The following HDAC3 variants were observed in gnomAD, a reference collection of about 807,000 sequenced individuals.
The protein encoded by HDAC3 is histone deacetylase 3.
HDAC3 carries 21 observed loss-of-function variants against 62.3 expected under a neutral mutation model. That is an observed-to-expected ratio of 0.34 (90% CI 0.24 to 0.49). The LOEUF is 0.49. HDAC3 is among the 20% of genes least tolerant of loss of function. HDAC3 has a pLI of 0.99. For synonymous variants in HDAC3, 198 were observed against 206.5 expected, an observed-to-expected ratio of 0.96 and a Z score of 0.35; for missense variants, 270 against 556.9, an observed-to-expected ratio of 0.48 and a Z score of 5.19.
At chr5:141,636,471 A>AC in intron 2 of HDAC3, 77 bp downstream of exon 2, 2 of 1,339,676 alleles carry the variant, frequency 1.5e-6, no homozygotes, top group Middle Eastern at 1.9e-4. Flanking sequence ...CACTTCATGC[A>AC]CTCAGTCCAG....
rs1306617419 is a variant in HDAC3 at position 141,628,058 on chromosome 5, GCT to G, written c.765+54_765+55del. 13 of 1,599,610 alleles carry G rather than the reference GCT, an allele frequency of 8.1e-6. No homozygotes were observed. In the South Asian group the frequency reaches 8.8e-5, roughly 11 times the overall value. On this transcript the variant is annotated intron_variant, in intron 9 of 14. Coordinates refer to ENST00000305264, the MANE Select transcript of HDAC3 (RefSeq NM_003883.4). This position sits in a 1 kb window ranked among gnomAD's most constrained non-coding sequence, Gnocchi z 4.7. Reference sequence around the variant, plus strand: ...AACCTAAAGAACCTCCTCTTCCCTTGCTCTCTTTCCCCAAGCCCAGGCAGAAC... The same window carrying G: ...AACCTAAAGAACCTCCTCTTCCCTTGCTCTTTCCCCAAGCCCAGGCAGAAC...
Position 141,629,282 on chromosome 5 carries a change from A to G in HDAC3, c.501T>C (p.Ile167=), listed in dbSNP as rs2099904875. ...CGTCACCATGGTGGATGTCAATGTC[A>G]ATGTAGAGCACCCGAGGGTGGTACC... ...LLKYHPRVLY[I]DIDIHHGDGV... is the part of the protein sequence containing the mutation. The change falls in exon 7 of 15, where the codon ATT becomes ATC. Residue 167 remains isoleucine (I), a synonymous_variant. Transcript: ENST00000305264. The surrounding 1 kb of genome is among the most constrained non-coding windows in gnomAD (Gnocchi z 5.3). The G allele has an allele frequency of 6.2e-7, 1 of 1,614,144 alleles. No individual in the cohort carries two copies. The highest frequency in any genetic ancestry group is 8.5e-7 in the Non-Finnish European group (1 of 1,179,994).
At chr5:141,632,542 G>A (rs979837430) in intron 3 of HDAC3, among the ~76,000 whole-genome samples, 3 of 152,074 alleles carry the variant, frequency 2.0e-5, no homozygotes, top group South Asian at 2.1e-4. Context: ...TTCCCTAATC[G>A]CACAAAGAGC....
rs1365245834 is a variant in HDAC3 at position 141,629,043 on chromosome 5, A to G, written c.610+130T>C. 2.4e-6 allele frequency: 2 copies of G among 848,894 alleles called. No individual in the cohort carries two copies. Among genetic ancestry groups the G allele is most frequent in the Non-Finnish European group, 3.7e-6 (2 of 542,070 alleles). 52.6% of individuals were successfully genotyped at this position (848,894 alleles called of 1,614,324 possible). The stretch of plus-strand genomic sequence containing the variant: ...AGGAATGGGGAAGGAGGTGATTATG[A>G]TAACTGGAGTGGTAAGGAAAGGCTT... On this transcript the variant is annotated intron_variant, in intron 7 of 14. Coordinates refer to ENST00000305264, the MANE Select transcript of HDAC3 (RefSeq NM_003883.4). The surrounding 1 kb of genome is among the most constrained non-coding windows in gnomAD (Gnocchi z 5.3).
Position 141,626,766 on chromosome 5 carries a change from ATATG to A in HDAC3, c.831-487_831-484del, listed in dbSNP as rs1205587850. Among the ~76,000 whole-genome samples the A allele has an allele frequency of 3.1e-5, 4 of 127,500 alleles. No individual in the cohort carries two copies. Among genetic ancestry groups the A allele is most frequent in the African/African-American group, 1.4e-4 (4 of 27,938 alleles). The allele number at this position is 127,500 out of a possible 152,430, so 83.6% of individuals were successfully genotyped here. On this transcript the variant is annotated intron_variant, in intron 10 of 14. Coordinates refer to ENST00000305264, the MANE Select transcript of HDAC3 (RefSeq NM_003883.4). The surrounding 1 kb of genome is among the most constrained non-coding windows in gnomAD (Gnocchi z 4.6). ...TCAAAAAAGAAAAAAAAAAACATATATATGTGTGTGTGTGTGTGTATATATATAT... is the reference window on the plus strand; with the variant it reads ...TCAAAAAAGAAAAAAAAAAACATATATGTGTGTGTGTGTGTATATATATAT...
At chr5:141,633,588 G>T (rs1466352302) in intron 3 of HDAC3, among the ~76,000 whole-genome samples, 1 of 152,070 alleles carries the variant, frequency 6.6e-6, no homozygotes, top group Non-Finnish European at 1.5e-5. Flanking sequence ...CACTTTTGGA[G>T]GCTGAGGCTG....
intron 14 of HDAC3, among the ~76,000 whole-genome samples, chr5:141,624,468 G>C (rs1025236788): frequency 2.7e-5 from 4 of 145,586 alleles, no homozygotes; most frequent in African/African-American, 1.0e-4. Context: ...GAGGCAGGAG[G>C]ATCGCTTGAA....
intron 1 of HDAC3, 25 bp from the exon 2 acceptor site, chr5:141,636,655 G>C: frequency 6.2e-7 from 1 of 1,613,012 alleles, no homozygotes; most frequent in East Asian, 2.2e-5. Flanking sequence ...AAGAGAGTTC[G>C]TCAGCTCTCA....
At position 141,625,787 on chromosome 5, in the gene HDAC3, A is replaced by G. The variant is rs1348237220; in HGVS notation, c.980-23T>C. The G allele has an allele frequency of 6.2e-7, 1 of 1,605,884 alleles. No homozygotes were observed. The highest frequency in any genetic ancestry group is 8.5e-7 in the Non-Finnish European group (1 of 1,172,508). ...ATTCTTGGGGAGGAGAGGAGAAAGT[A>G]TGGCTCAGACTGAGAAAGGCAGCTA... is the stretch of plus-strand genomic sequence containing the variant. On this transcript the variant is annotated intron_variant, in intron 12 of 14. Coordinates refer to ENST00000305264, the MANE Select transcript of HDAC3 (RefSeq NM_003883.4). The surrounding 1 kb of genome is among the most constrained non-coding windows in gnomAD (Gnocchi z 4.0).
At chr5:141,635,014 C>A (rs1457079410) in intron 2 of HDAC3, 61 bp from the exon 3 acceptor site, 1 of 1,571,768 alleles carries the variant, frequency 6.4e-7, no homozygotes, top group Non-Finnish European at 8.7e-7. Flanking sequence ...AGGCTCAGAC[C>A]ACCCATACTG....
At position 141,626,811 on chromosome 5, in the gene HDAC3, C is replaced by CAT. The variant is rs2154597827; in HGVS notation, c.831-529_831-528insAT. Among the ~76,000 whole-genome samples, 1 of 150,260 alleles carries CAT rather than the reference C, an allele frequency of 6.7e-6. No homozygotes were observed. Among genetic ancestry groups the CAT allele is most frequent in the African/African-American group, 2.4e-5 (1 of 40,920 alleles). ...ATATATATATATATACACACACACA[C>CAT]ACACACACCTCTCAGATCATCTACT... is the stretch of plus-strand genomic sequence containing the variant. On this transcript the variant is annotated intron_variant, in intron 10 of 14. Transcript: ENST00000305264. The surrounding 1 kb of genome is among the most constrained non-coding windows in gnomAD (Gnocchi z 4.6).
intron 10 of HDAC3, among the ~76,000 whole-genome samples, chr5:141,627,579 G>A (rs1173674418): frequency 1.3e-5 from 2 of 152,056 alleles, no homozygotes; most frequent in African/African-American, 4.8e-5. Context: ...GAATTTATAA[G>A]AATCTATTTA....
Position 141,628,359 on chromosome 5 carries a change from A to G in HDAC3, c.692-172T>C. On this transcript the variant is annotated intron_variant, in intron 8 of 14. Transcript: ENST00000305264. This position sits in a 1 kb window ranked among gnomAD's most constrained non-coding sequence, Gnocchi z 4.7. ...GATCCCAGACTGCTATGAGTGACTG[A>G]TGAAAGCCAATGACTTTTCCCAGAA... 1 of 714,150 alleles carries G rather than the reference A, an allele frequency of 1.4e-6. No individual in the cohort carries two copies. The highest frequency in any genetic ancestry group is 1.7e-5 in the South Asian group (1 of 60,034). The allele number at this position is 714,150 out of a possible 1,614,324, so 44.2% of individuals were successfully genotyped here.
chr5:141,623,400 G>C (rs1276378005), intron 14 of HDAC3, among the ~76,000 whole-genome samples: 1 of 152,262 alleles, frequency 6.6e-6, no homozygotes, highest in East Asian at 1.9e-4. Context: ...GTAGGGCTTA[G>C]GAACAGGAAG....
intron 14 of HDAC3, among the ~76,000 whole-genome samples, chr5:141,623,023 T>A (rs1030240126): frequency 6.6e-6 from 1 of 151,992 alleles, no homozygotes; most frequent in Non-Finnish European, 1.5e-5. Context: ...CTTGGGAGGC[T>A]AAGGCAGGAG....
intron 3 of HDAC3, 94 bp downstream of exon 3, chr5:141,634,717 G>GC (rs1269643482): frequency 6.8e-6 from 8 of 1,173,446 alleles, no homozygotes; most frequent in Non-Finnish European, 9.8e-6. Flanking sequence ...TGACAAGTAG[G>GC]CCCCCCTTGA....
chr5:141,630,658 G>A (rs2099905072), intron 3 of HDAC3, among the ~76,000 whole-genome samples: 1 of 152,134 alleles, frequency 6.6e-6, no homozygotes, highest in Admixed American at 6.5e-5. Flanking sequence ...TTTATAAAAA[G>A]TAAAGGCTTG....
At position 141,629,867 on chromosome 5, in the gene HDAC3, T is replaced by C. The variant is rs1159201975; in HGVS notation, c.413A>G (p.Lys138Arg). Residue 138 changes from lysine to arginine, a missense_variant, in exon 5 of 15, where the codon AAG (lysine) becomes AGG (arginine). Around this residue, in one of 5 missense-constraint regions of HDAC3, gnomAD observed 156 missense variants for 383.9 expected, o/e 0.41. Coordinates refer to ENST00000305264, the MANE Select transcript of HDAC3 (RefSeq NM_003883.4). This position sits in a 1 kb window ranked among gnomAD's most constrained non-coding sequence, Gnocchi z 5.3. Reference protein sequence around the residue: ...NWAGGLHHAKKFEASGFCYVN... With the variant: ...NWAGGLHHAKRFEASGFCYVN... Reference sequence around the variant, plus strand: ...CATCACCTCCTCACTCACCTCAAACTTCTTGGCATGGTGCAGACCACCAGC... The same window carrying C: ...CATCACCTCCTCACTCACCTCAAACCTCTTGGCATGGTGCAGACCACCAGC... The C allele has an allele frequency of 6.2e-7, 1 of 1,614,188 alleles. No homozygotes were observed. Among genetic ancestry groups the C allele is most frequent in the South Asian group, 1.1e-5 (1 of 91,072 alleles).
In HDAC3 at chr5:141,625,788, T is replaced by C. The variant is rs1457566687; in HGVS notation, c.980-24A>G. The C allele has an allele frequency of 6.2e-7, 1 of 1,602,024 alleles. No individual in the cohort carries two copies. The highest frequency in any genetic ancestry group is 1.3e-5 in the African/African-American group (1 of 74,748). ...TTCTTGGGGAGGAGAGGAGAAAGTA[T>C]GGCTCAGACTGAGAAAGGCAGCTAA... is the stretch of plus-strand genomic sequence containing the variant. On this transcript the variant is annotated intron_variant, in intron 12 of 14. Coordinates refer to ENST00000305264, the MANE Select transcript of HDAC3 (RefSeq NM_003883.4). The surrounding 1 kb of genome is among the most constrained non-coding windows in gnomAD (Gnocchi z 4.0).
Sources: gnomAD v4.1 joint callset for allele counts (sites outside exome capture counted in the v4.1 genomes callset) on GRCh38, gnomAD v4.1.1 for gene constraint, gnomAD v4.1.1 regional missense constraint, Gnocchi (gnomAD v3.1) non-coding constraint, MANE v1.5 for transcripts, NCBI Gene and HGNC (gene_info 2026-07-23, HGNC 2026-07-21) for gene names.